RAD54L2: variants seen among roughly 807,000 people sequenced by gnomAD.
RAD54L2 encodes RAD54 like 2, also known as helicase ARIP4.
Under a neutral mutation model 138.4 loss-of-function variants are expected in RAD54L2, and 27 were observed. The observed-to-expected ratio is 0.20, with a 90% CI of 0.14 to 0.27. The LOEUF is 0.27. Ranked by LOEUF, RAD54L2 falls within the 10% of genes least tolerant of loss-of-function variation. The pLI, the probability that RAD54L2 is intolerant of heterozygous loss-of-function variation, is 1.00. For synonymous variants in RAD54L2, 644 were observed against 723.2 expected, an observed-to-expected ratio of 0.89 and a Z score of 1.76; for missense variants, 1,396 against 1,890.2, an observed-to-expected ratio of 0.74 and a Z score of 4.85.
rs536463892 is a variant in RAD54L2, at chr3:51,652,378, A to G, written c.3027-3593A>G. On this transcript the variant is annotated intron_variant, in intron 19 of 22. Transcript: ENST00000684192. ...CTGCCCAAGGTAATTTATAGATTCA[A>G]TGCCATCCCCATCAAGCTACCAACG... is the stretch of plus-strand genomic sequence containing the variant. 1.3e-4 allele frequency among the ~76,000 whole-genome samples: 20 copies of G among 152,316 alleles called. 1 individual carries two copies. Among genetic ancestry groups the G allele is most frequent in the South Asian group, 6.2e-4 (3 of 4,820 alleles).
chr3:51,594,766 G>T (rs1224356964), intron 3 of RAD54L2, among the ~76,000 whole-genome samples: 2 of 151,598 alleles, frequency 1.3e-5, no homozygotes, highest in African/African-American at 4.9e-5. Context: ...ACACAAGAGG[G>T]GTAATCACCA....
At position 51,666,884 on chromosome 3, in the gene RAD54L2, A is replaced by G. The variant is rs1701922949; in HGVS notation, c.*3464A>G. 6.6e-6 allele frequency: 1 copy of G among 152,188 alleles called. No individual in the cohort carries two copies. The highest frequency in any genetic ancestry group is 1.5e-5 in the Non-Finnish European group (1 of 68,046). 9.4% of individuals were successfully genotyped at this position (152,188 alleles called of 1,614,324 possible). The stretch of plus-strand genomic sequence containing the variant: ...CTAGGAATTAGTGTGTGGAGTCTCT[A>G]TATGCTTGTGATTCACAACTAAATA... On this transcript the variant is annotated 3_prime_UTR_variant, in exon 23 of 23. Transcript: ENST00000684192.
At chr3:51,551,443 T>TC (rs1229979147) in intron 2 of RAD54L2, among the ~76,000 whole-genome samples, 1 of 151,116 alleles carries the variant, frequency 6.6e-6, no homozygotes, top group East Asian at 2.0e-4. Flanking sequence ...TAATTTAATT[T>TC]TTTTTTTTTT....
intron 21 of RAD54L2, 63 bp from the exon 22 acceptor site, chr3:51,659,963 G>A: frequency 2.3e-6 from 3 of 1,298,938 alleles, no homozygotes; most frequent in East Asian, 5.0e-5. Flanking sequence ...ACAGCCTGGA[G>A]TTTCCCAGGG....
chr3:51,568,364 G>A (rs1699262615), intron 2 of RAD54L2, among the ~76,000 whole-genome samples: 1 of 152,126 alleles, frequency 6.6e-6, no homozygotes, highest in South Asian at 2.1e-4. Flanking sequence ...TGGCTGCAGT[G>A]CTGGGGAAAT....
chr3:51,552,010 A>G (rs999499653), intron 2 of RAD54L2, among the ~76,000 whole-genome samples: 2 of 152,190 alleles, frequency 1.3e-5, no homozygotes, highest in Admixed American at 6.5e-5. Context: ...TCAGCCTCCC[A>G]AAGTGCTGGG....
Position 51,630,817 on chromosome 3 carries a change from T to A in RAD54L2, c.711T>A (p.Asp237Glu). ...EEEKGGTHVN[D>E]VLNQRDALGR... ...AGAAGGGTGGCACCCATGTCAATGA[T>A]GTCTTAAACCAGCGTGACGCCCTTG... The change falls in exon 7 of 23, where the codon GAT becomes GAA. Residue 237 changes from aspartate (D) to glutamate (E), a missense_variant. Coordinates refer to ENST00000684192, the MANE Select transcript of RAD54L2 (RefSeq NM_015106.4). 3 of 1,614,036 alleles carry A rather than the reference T, an allele frequency of 1.9e-6. No individual in the cohort carries two copies. Among genetic ancestry groups the A allele is most frequent in the Non-Finnish European group, 2.5e-6 (3 of 1,179,884 alleles).
chr3:51,627,148 T>G (rs531170611), intron 3 of RAD54L2, among the ~76,000 whole-genome samples: 12 of 152,170 alleles, frequency 7.9e-5, no homozygotes, highest in Middle Eastern at 3.4e-3. Context: ...AGATGAGAGG[T>G]GAATGGACTT....
Position 51,639,949 on chromosome 3 carries a change from C to T in RAD54L2, c.2181C>T (p.Phe727=). Residue 727 remains phenylalanine (F), a synonymous_variant, in exon 14 of 23, where the codon TTC becomes TTT. Coordinates refer to ENST00000684192, the MANE Select transcript of RAD54L2 (RefSeq NM_015106.4). ...ACTCTCCCAAGATGGTACTGCTTTT[C>T]CACCTGATTGAGGAAAGTGTGAAGC... The part of the protein sequence containing the change: ...LENSPKMVLL[F]HLIEESVKLG... The T allele has an allele frequency of 6.2e-7, 1 of 1,612,416 alleles. No individual in the cohort carries two copies. Among genetic ancestry groups the T allele is most frequent in the East Asian group, 2.2e-5 (1 of 44,850 alleles).
At position 51,656,146 on chromosome 3, in the gene RAD54L2, G is replaced by T; in HGVS notation, c.3202G>T (p.Val1068Leu). Residue 1068 changes from valine to leucine, a missense_variant, in exon 20 of 23, where the codon GTG becomes TTG. Physicochemically the swap from Val to Leu is conservative, Grantham distance 32 (BLOSUM62 1). Around this residue, in one of 7 missense-constraint regions of RAD54L2, gnomAD observed 634 missense variants for 711.2 expected, o/e 0.89. Coordinates refer to ENST00000684192, the MANE Select transcript of RAD54L2 (RefSeq NM_015106.4). ...INYLQRAGVL[V>L]QKVVTTTDIV... ...CTACTTGCAGCGTGCAGGAGTCCTT[G>T]TGCAGAAGGTGGTCACCACGACAGG... 6.2e-7 allele frequency: 1 copy of T among 1,611,744 alleles called. No individual in the cohort carries two copies. The highest frequency in any genetic ancestry group is 8.5e-7 in the Non-Finnish European group (1 of 1,178,070).
rs1424700479 is a variant in RAD54L2, at chr3:51,638,176, C to G, written c.1715C>G (p.Pro572Arg). 3 of 1,613,880 alleles carry G rather than the reference C, an allele frequency of 1.9e-6. No individual in the cohort carries two copies. The African/African-American group carries it at 4.0e-5, about 22-fold the overall frequency. Residue 572 changes from proline (P) to arginine (R), a missense_variant, in exon 12 of 23, where the codon CCT becomes CGT. Coordinates refer to ENST00000684192, the MANE Select transcript of RAD54L2 (RefSeq NM_015106.4). The surrounding 1 kb of genome is among the most constrained non-coding windows in gnomAD (Gnocchi z 4.3). The stretch of plus-strand genomic sequence containing the variant: ...CACACTGTGCTGAAGATTCATCTCC[C>G]TGCCAAGGAAGAAAATGTGATCCTT... The part of the protein sequence containing the change: ...RGHTVLKIHL[P>R]AKEENVILVR...
chr3:51,552,561 CTTTTTTTTTTTTT>C (rs58505964), intron 2 of RAD54L2, among the ~76,000 whole-genome samples: 1 of 106,752 alleles, frequency 9.4e-6, no homozygotes, highest in African/African-American at 3.9e-5. Flanking sequence ...TGCGCCTGGC[CTTTTTTTTTTTTT>C]TTTTTTTTTT....
chr3:51,603,739 A>C (rs190178814), intron 3 of RAD54L2, among the ~76,000 whole-genome samples: 4 of 152,242 alleles, frequency 2.6e-5, no homozygotes, highest in Admixed American at 2.0e-4. Flanking sequence ...TGCCCAGGCT[A>C]GTCTTGAACT....
At chr3:51,656,519 A>G (rs1701604754) in intron 20 of RAD54L2, among the ~76,000 whole-genome samples, 1 of 152,142 alleles carries the variant, frequency 6.6e-6, no homozygotes, top group African/African-American at 2.4e-5. Flanking sequence ...CTGGGTATAA[A>G]AGACAGCTGT....
At position 51,638,506 on chromosome 3, in the gene RAD54L2, T is replaced by C. The variant is rs1689759820; in HGVS notation, c.1860+185T>C. The C allele has an allele frequency of 4.6e-6, 3 of 649,928 alleles. No homozygotes were observed. The highest frequency in any genetic ancestry group is 1.8e-5 in the African/African-American group (1 of 54,824). The allele number at this position is 649,928 out of a possible 1,614,324, so 40.3% of individuals were successfully genotyped here. A position where few individuals can be genotyped will look rare whatever the true frequency, so the allele number is the denominator to read the frequency against. On this transcript the variant is annotated intron_variant, in intron 12 of 22. Coordinates refer to ENST00000684192, the MANE Select transcript of RAD54L2 (RefSeq NM_015106.4). The surrounding 1 kb of genome is among the most constrained non-coding windows in gnomAD (Gnocchi z 4.3). ...TGATGGTTTTGTACCACATAACTCC[T>C]GGGGGTGCCATTCACACAGTGTAAT...
intron 6 of RAD54L2, 107 bp from the exon 7 acceptor site, chr3:51,630,598 G>A: frequency 9.4e-7 from 1 of 1,061,304 alleles, no homozygotes; most frequent in South Asian, 1.6e-5. Flanking sequence ...TTTAATAAGT[G>A]TTGACAAGTT....
At chr3:51,594,882 TTTTTTTTTTG>T (rs1577410891) in intron 3 of RAD54L2, among the ~76,000 whole-genome samples, 2 of 136,776 alleles carry the variant, frequency 1.5e-5, no homozygotes, top group Middle Eastern at 3.7e-3. Flanking sequence ...TTTTTTTTTT[TTTTTTTTTTG>T]ACGGAGTCTC....
chr3:51,540,136 A>G (rs575966236), intron 1 of RAD54L2, among the ~76,000 whole-genome samples: 2 of 152,210 alleles, frequency 1.3e-5, no homozygotes, highest in Non-Finnish European at 2.9e-5. Flanking sequence ...TTTCAGTCCA[A>G]TTCTTATAAA....
At chr3:51,660,886 C>T in intron 22 of RAD54L2, among the ~76,000 whole-genome samples, 1 of 151,380 alleles carries the variant, frequency 6.6e-6, no homozygotes. Flanking sequence ...TCCCAAAGTG[C>T]TGGGATTACA....
Sources: gnomAD v4.1 joint callset for allele counts (sites outside exome capture counted in the v4.1 genomes callset) on GRCh38, gnomAD v4.1.1 for gene constraint, gnomAD v4.1.1 regional missense constraint, Gnocchi (gnomAD v3.1) non-coding constraint, MANE v1.5 for transcripts, NCBI Gene and HGNC (gene_info 2026-07-23, HGNC 2026-07-21) for gene names.